The following ZBTB20 variants were observed in gnomAD, a reference collection of about 807,000 sequenced individuals.
The protein encoded by ZBTB20 is zinc finger and BTB domain-containing protein 20.
Under a neutral mutation model 56.9 loss-of-function variants are expected in ZBTB20, and 9 were observed. That is an observed-to-expected ratio of 0.16 (90% CI 0.10 to 0.28). ZBTB20 has a LOEUF of 0.28. Among genes scored for constraint, ZBTB20 ranks in the 10% least tolerant of loss-of-function variants. ZBTB20 has a pLI of 1.00. For synonymous variants in ZBTB20, 417 were observed against 420.7 expected, an observed-to-expected ratio of 0.99 and a Z score of 0.11; for missense variants, 655 against 1,003.0, an observed-to-expected ratio of 0.65 and a Z score of 4.69.
chr3:114,792,493 C>T lies in ZBTB20; in HGVS notation c.-343+8608G>A, dbSNP rs117014617. ...GGGGGAAGAAACAACTACTGGAGGA[C>T]CCTAACAGGTAGCATTGCTTCTAAT... On this transcript the variant is annotated intron_variant, in intron 5 of 11. Transcript: ENST00000675478. Among the ~76,000 whole-genome samples the T allele has an allele frequency of 6.6e-5, 10 of 152,252 alleles. No individual in the cohort carries two copies. The East Asian group carries it at 9.6e-4, about 15-fold the overall frequency.
chr3:115,131,293 C>T (rs1038389730), intron 1 of ZBTB20, among the ~76,000 whole-genome samples: 1 of 152,108 alleles, frequency 6.6e-6, no homozygotes, highest in Non-Finnish European at 1.5e-5. Context: ...TAGATATATA[C>T]ATATGCAGAT....
At chr3:114,786,422 T>C (rs2070497528) in intron 5 of ZBTB20, among the ~76,000 whole-genome samples, 1 of 152,078 alleles carries the variant, frequency 6.6e-6, no homozygotes, top group Admixed American at 6.6e-5. Flanking sequence ...GTTAGTTTGC[T>C]GAGAATGATG....
chr3:114,471,510 T>C (rs1039910995), intron 7 of ZBTB20, among the ~76,000 whole-genome samples: 2 of 151,922 alleles, frequency 1.3e-5, no homozygotes, highest in Non-Finnish European at 2.9e-5. Context: ...GGAAACAAGG[T>C]GGTGGGTCCA....
At chr3:114,656,693 A>G (rs2060424399) in intron 6 of ZBTB20, among the ~76,000 whole-genome samples, 1 of 152,098 alleles carries the variant, frequency 6.6e-6, no homozygotes, top group Non-Finnish European at 1.5e-5. Context: ...TATTTTTGAA[A>G]ATTTTCATTT....
rs529679769 is a variant in ZBTB20, at chr3:114,662,731, C to T, written c.-295+30797G>A. The stretch of plus-strand genomic sequence containing the variant: ...TTGAGAAGTGTCTGTTCATGTCCTT[C>T]GCCCACTTTTTGATGGGGTTGTTTG... On this transcript the variant is annotated intron_variant, in intron 6 of 11. Transcript: ENST00000675478. Among the ~76,000 whole-genome samples the T allele has an allele frequency of 8.6e-4, 129 of 149,686 alleles. 2 individuals are homozygous for T. The South Asian group carries it at 0.012, about 14-fold the overall frequency.
chr3:114,525,904 A>G (rs2047165794), intron 6 of ZBTB20, among the ~76,000 whole-genome samples: 1 of 152,174 alleles, frequency 6.6e-6, no homozygotes, highest in African/African-American at 2.4e-5. Flanking sequence ...TATGTCCACT[A>G]CACAGAATTC....
intron 2 of ZBTB20, among the ~76,000 whole-genome samples, chr3:115,046,066 A>G (rs1405309079): frequency 6.6e-6 from 1 of 152,158 alleles, no homozygotes; most frequent in Non-Finnish European, 1.5e-5. Context: ...ATTTGTACTG[A>G]ATCAGAAAAT....
chr3:114,347,591 A>G (rs1395968466), intron 11 of ZBTB20, among the ~76,000 whole-genome samples: 1 of 152,236 alleles, frequency 6.6e-6, no homozygotes, highest in African/African-American at 2.4e-5. Flanking sequence ...TGCGAGCTAC[A>G]ATGAACCCAG....
chr3:114,623,480 G>C (rs1390236938), intron 6 of ZBTB20, among the ~76,000 whole-genome samples: 1 of 152,118 alleles, frequency 6.6e-6, no homozygotes, highest in Non-Finnish European at 1.5e-5. Flanking sequence ...GCATTCTTCT[G>C]CTTGATACTA....
intron 6 of ZBTB20, among the ~76,000 whole-genome samples, chr3:114,610,645 A>AT (rs2057478841): frequency 6.6e-6 from 1 of 152,218 alleles, no homozygotes. Flanking sequence ...AGAACTCAAG[A>AT]TAGAAAACTC....
chr3:114,508,635 C>T (rs1318494842), intron 6 of ZBTB20, among the ~76,000 whole-genome samples: 2 of 152,096 alleles, frequency 1.3e-5, no homozygotes, highest in Non-Finnish European at 1.5e-5. Context: ...GAGTGTTATT[C>T]GAATCTTGTT....
At chr3:114,495,452 T>TACACAC (rs35156549) in intron 7 of ZBTB20, among the ~76,000 whole-genome samples, 84 of 149,126 alleles carry the variant, frequency 5.6e-4, no homozygotes, top group African/African-American at 1.8e-3. Flanking sequence ...AGTCTGTGTA[T>TACACAC]ACACACACAC....
chr3:114,827,611 A>C (rs1160875160), intron 4 of ZBTB20, among the ~76,000 whole-genome samples: 2 of 151,844 alleles, frequency 1.3e-5, no homozygotes, highest in Middle Eastern at 3.4e-3. Context: ...ATAAAGCCAA[A>C]TTCTAGAAAT....
At position 114,653,749 on chromosome 3, in the gene ZBTB20, C is replaced by T. The variant is rs575706879; in HGVS notation, c.-295+39779G>A. ...AATTCTCCAGGGAAACTATCTAAAC[C>T]TGAAGTTCTTTTTTTAGGAATGCTT... On this transcript the variant is annotated intron_variant, in intron 6 of 11. Transcript: ENST00000675478. Among the ~76,000 whole-genome samples the T allele has an allele frequency of 3.3e-5, 5 of 151,896 alleles. No homozygotes were observed. In the East Asian group the frequency reaches 5.8e-4, roughly 18 times the overall value.
chr3:115,128,023 C>A (rs1420357638), intron 1 of ZBTB20, among the ~76,000 whole-genome samples: 2 of 152,052 alleles, frequency 1.3e-5, no homozygotes, highest in Non-Finnish European at 2.9e-5. Flanking sequence ...GGACAGTGAT[C>A]ACTGGTGGTT....
chr3:114,800,989 T>C (rs9853510), intron 5 of ZBTB20, 112 bp downstream of exon 5: 104,466 of 151,574 alleles, frequency 0.69, 40,235 homozygotes, highest in East Asian at 0.96. Context: ...ATATATTTCT[T>C]CAGGGACATT....
intron 10 of ZBTB20, among the ~76,000 whole-genome samples, chr3:114,379,832 G>C (rs2084095763): frequency 6.6e-6 from 1 of 152,160 alleles, no homozygotes; most frequent in Non-Finnish European, 1.5e-5. Flanking sequence ...ATTTCAAAAT[G>C]GATGTTTCCT....
At chr3:114,927,543 A>C (rs2076203280) in intron 3 of ZBTB20, among the ~76,000 whole-genome samples, 1 of 152,174 alleles carries the variant, frequency 6.6e-6, no homozygotes, top group African/African-American at 2.4e-5. Flanking sequence ...AACACTCTTC[A>C]TCAGATCCCA....
chr3:114,776,041 T>C (rs1331763243), intron 5 of ZBTB20, among the ~76,000 whole-genome samples: 2 of 150,954 alleles, frequency 1.3e-5, no homozygotes, highest in African/African-American at 2.4e-5. Flanking sequence ...TCTTTTTTTT[T>C]TTTTTTTTAC....
Sources: gnomAD v4.1 joint callset for allele counts (sites outside exome capture counted in the v4.1 genomes callset) on GRCh38, gnomAD v4.1.1 for gene constraint, MANE v1.5 for transcripts, NCBI Gene and HGNC (gene_info 2026-07-23, HGNC 2026-07-21) for gene names.